The following GRHL2 variants were observed in gnomAD, a reference collection of about 807,000 sequenced individuals.
GRHL2 encodes grainyhead-like protein 2 homolog.
Under a neutral mutation model 83.8 loss-of-function variants are expected in GRHL2, and 21 were observed. The ratio of observed to expected loss-of-function variants is 0.25; its 90% confidence interval spans 0.18 to 0.36. GRHL2 has a LOEUF of 0.36. Among genes scored for constraint, GRHL2 ranks in the 10% least tolerant of loss-of-function variants. The probability of loss-of-function intolerance (pLI) is 1.00; values close to 1 mark genes in which losing one functional copy is unlikely to be tolerated. For missense variants in GRHL2, 623 were observed against 781.8 expected (o/e 0.80, Z 2.42); for synonymous variants, 280 against 278.9 (o/e 1.00, Z -0.04).
chr8:101,678,100 C>G, the GRHL2 span, among the ~76,000 whole-genome samples: 1 of 152,170 alleles, frequency 6.6e-6, no homozygotes, highest in Non-Finnish European at 1.5e-5. Context: ...GGAATAGGAA[C>G]AGCTCCAGTC....
chr8:101,509,117 CCTTCCT>C (rs1563555995), intron 1 of GRHL2, among the ~76,000 whole-genome samples: 2,447 of 57,724 alleles, frequency 0.042, 45 homozygotes, highest in East Asian at 0.11. Context: ...CTCCTTCCTT[CCTTCCT>C]TCCTTCCTTC....
chr8:101,557,405 G>A (rs1004607338), intron 3 of GRHL2, among the ~76,000 whole-genome samples: 4 of 151,760 alleles, frequency 2.6e-5, no homozygotes, highest in Admixed American at 6.6e-5. Context: ...TGTGTTTTTA[G>A]TAGAGATGGG....
At chr8:101,617,183 T>A (rs976282490) in intron 8 of GRHL2, among the ~76,000 whole-genome samples, 1 of 152,130 alleles carries the variant, frequency 6.6e-6, no homozygotes, top group Non-Finnish European at 1.5e-5. Context: ...GTTTGCTAGA[T>A]GTGTTGGCAT....
At chr8:101,528,424 T>C (rs1362162106) in intron 1 of GRHL2, among the ~76,000 whole-genome samples, 1 of 152,016 alleles carries the variant, frequency 6.6e-6, no homozygotes, top group Non-Finnish European at 1.5e-5. Flanking sequence ...CCGTCTCTTT[T>C]CAGATTTTTT....
In GRHL2 at chr8:101,573,735, A is replaced by T; in HGVS notation, c.802A>T (p.Thr268Ser). 2 of 1,614,148 alleles carry T rather than the reference A, an allele frequency of 1.2e-6. No individual in the cohort carries two copies. Among genetic ancestry groups the T allele is most frequent in the Non-Finnish European group, 1.7e-6 (2 of 1,180,016 alleles). The part of the protein sequence containing the change: ...LRQKQGEGPM[T>S]YLNKGQFYAI... ...TCAGAAGCAGGGGGAGGGCCCCATG[A>T]CCTACCTCAACAAAGGACAGTTCTA... is the stretch of plus-strand genomic sequence containing the variant. Residue 268 changes from threonine (T) to serine (S), a missense_variant, in exon 6 of 16, where the codon ACC becomes TCC. By Grantham distance (58) the Thr-to-Ser change is moderately conservative (BLOSUM62 1). Around this residue, in one of 8 missense-constraint regions of GRHL2, gnomAD observed 96 missense variants for 144.8 expected, o/e 0.66. Transcript: ENST00000646743.
chr8:101,499,787 A>T (rs1810185270), intron 1 of GRHL2, among the ~76,000 whole-genome samples: 1 of 152,118 alleles, frequency 6.6e-6, no homozygotes, highest in South Asian at 2.1e-4. Flanking sequence ...AATTATAAAA[A>T]CTAGGCCTGG....
chr8:101,549,863 G>C (rs1040897512), intron 2 of GRHL2, among the ~76,000 whole-genome samples: 1 of 151,800 alleles, frequency 6.6e-6, no homozygotes, highest in African/African-American at 2.4e-5. Context: ...TAGGCTTCCA[G>C]AGAACCCTGT....
the GRHL2 span, among the ~76,000 whole-genome samples, chr8:101,676,870 A>G: frequency 3.0e-3 from 459 of 152,288 alleles, 6 homozygotes; most frequent in Non-Finnish European, 5.1e-4. Flanking sequence ...ACCATGGAAT[A>G]CTATGCAGCT....
chr8:101,617,908 A>G lies in GRHL2; in HGVS notation c.1099-1631A>G, dbSNP rs113981337. ...GAGGGACTTCAGGTCCAAGGCTTAA[A>G]GGTGAATGGAAAACCCAGGGAATCA... On this transcript the variant is annotated intron_variant, in intron 8 of 15. Coordinates refer to ENST00000646743, the MANE Select transcript of GRHL2 (RefSeq NM_024915.4). Among the ~76,000 whole-genome samples, 168 of 152,338 alleles carry G rather than the reference A, an allele frequency of 1.1e-3. 2 individuals are homozygous for G. Among genetic ancestry groups the G allele is most frequent in the African/African-American group, 3.9e-3 (163 of 41,574 alleles).
At chr8:101,615,453 CTT>C (rs1812835794) in intron 8 of GRHL2, among the ~76,000 whole-genome samples, 1 of 152,176 alleles carries the variant, frequency 6.6e-6, no homozygotes, top group South Asian at 2.1e-4. Flanking sequence ...CATCAGAACA[CTT>C]TTCTCCTCTG....
chr8:101,589,474 C>T (rs1812231761), intron 7 of GRHL2, among the ~76,000 whole-genome samples: 1 of 152,054 alleles, frequency 6.6e-6, no homozygotes, highest in African/African-American at 2.4e-5. Context: ...TTAGTCAAGA[C>T]CAACATTCTT....
At chr8:101,595,021 A>T (rs868800046) in intron 7 of GRHL2, among the ~76,000 whole-genome samples, 28 of 152,194 alleles carry the variant, frequency 1.8e-4, no homozygotes, top group African/African-American at 6.5e-4. Flanking sequence ...CAGATTAAGG[A>T]TAATCGTCTT....
chr8:101,596,115 G>A (rs1233604959), intron 7 of GRHL2, among the ~76,000 whole-genome samples: 5 of 125,090 alleles, frequency 4.0e-5, no homozygotes, highest in South Asian at 2.8e-4. Flanking sequence ...GCAGGACTCC[G>A]TCTCAAAAAA....
At chr8:101,647,574 C>T (rs1282804775) in intron 13 of GRHL2, among the ~76,000 whole-genome samples, 4 of 151,992 alleles carry the variant, frequency 2.6e-5, no homozygotes, top group Non-Finnish European at 5.9e-5. Flanking sequence ...CTTATAATAG[C>T]CATTAGGTCA....
chr8:101,675,517 T>C, the GRHL2 span, among the ~76,000 whole-genome samples: 1 of 151,896 alleles, frequency 6.6e-6, no homozygotes, highest in Non-Finnish European at 1.5e-5. Context: ...GTGAAGGACC[T>C]CTTCAAGGAG....
chr8:101,516,624 C>G (rs1212074201), intron 1 of GRHL2, among the ~76,000 whole-genome samples: 1 of 152,108 alleles, frequency 6.6e-6, no homozygotes, highest in Non-Finnish European at 1.5e-5. Flanking sequence ...TCTGGCTGGT[C>G]TCAAACTCAT....
At position 101,630,976 on chromosome 8, in the gene GRHL2, A is replaced by G. The variant is rs544665762; in HGVS notation, c.1258-661A>G. ...GGCAATTTGGCAAGAGGTGCCCATG[A>G]AAAAGCCAAATTGCAAAAACAGAGG... On this transcript the variant is annotated intron_variant, in intron 9 of 15. Coordinates refer to ENST00000646743, the MANE Select transcript of GRHL2 (RefSeq NM_024915.4). 3.3e-4 allele frequency among the ~76,000 whole-genome samples: 50 copies of G among 152,316 alleles called. 3 individuals are homozygous for G. The South Asian group carries it at 9.1e-3, about 28-fold the overall frequency.
intron 11 of GRHL2, among the ~76,000 whole-genome samples, chr8:101,633,612 A>G (rs1368669523): frequency 1.3e-5 from 2 of 152,216 alleles, no homozygotes; most frequent in Non-Finnish European, 2.9e-5. Context: ...CTTAAAACAC[A>G]TCAACACTAA....
chr8:101,595,805 C>A (rs1375842747), intron 7 of GRHL2, among the ~76,000 whole-genome samples: 1 of 151,926 alleles, frequency 6.6e-6, no homozygotes, highest in African/African-American at 2.4e-5. Flanking sequence ...GGAAGTGTTT[C>A]AATAAATAAA....
Sources: allele counts gnomAD v4.1 joint callset (sites outside exome capture counted in the v4.1 genomes callset), GRCh38; gene constraint gnomAD v4.1.1; regional missense constraint gnomAD v4.1.1; transcripts MANE v1.5; gene names NCBI Gene and HGNC (gene_info 2026-07-23, HGNC 2026-07-21).